Variants in CABLES1 observed in about 807,000 individuals in gnomAD.
The protein encoded by CABLES1 is Cdk5 and Abl enzyme substrate 1.
In CABLES1, 36 loss-of-function variants were observed where a neutral mutation model predicts 57.8. The observed-to-expected ratio is 0.62, with a 90% CI of 0.48 to 0.82. The LOEUF (loss-of-function observed/expected upper bound fraction) is 0.82. Among genes scored for constraint, CABLES1 ranks in the 40% least tolerant of loss-of-function variants. The probability of loss-of-function intolerance (pLI) is 0.00; values close to 1 mark genes in which losing one functional copy is unlikely to be tolerated. For synonymous variants in CABLES1, 374 were observed against 363.0 expected (o/e 1.03, Z -0.35); for missense variants, 767 against 836.6 (o/e 0.92, Z 1.03).
At chr18:23,225,742 C>T (rs969952425) in intron 4 of CABLES1, among the ~76,000 whole-genome samples, 8 of 152,370 alleles carry the variant, frequency 5.3e-5, no homozygotes, top group African/African-American at 9.6e-5. Context: ...ACATTAGTCA[C>T]GGCCTTCTCT....
chr18:23,143,006 T>A (rs2046867136), intron 1 of CABLES1, among the ~76,000 whole-genome samples: 2 of 152,204 alleles, frequency 1.3e-5, no homozygotes, highest in South Asian at 4.1e-4. Flanking sequence ...AAGTAACTTG[T>A]CTGGGGTCCT....
chr18:23,197,328 A>G (rs1395358842), intron 3 of CABLES1: 2 of 152,238 alleles, frequency 1.3e-5, no homozygotes, highest in African/African-American at 4.8e-5. Context: ...TGGACCACAA[A>G]TCCCAGCCGG....
At chr18:23,179,104 G>A (rs1371441848) in intron 1 of CABLES1, among the ~76,000 whole-genome samples, 3 of 151,996 alleles carry the variant, frequency 2.0e-5, no homozygotes, top group African/African-American at 4.8e-5. Context: ...TGGCCAACAC[G>A]GTGAAACCCT....
At chr18:23,206,850 T>G (rs1375198123) in intron 3 of CABLES1, among the ~76,000 whole-genome samples, 1 of 151,316 alleles carries the variant, frequency 6.6e-6, no homozygotes, top group Non-Finnish European at 1.5e-5. Context: ...GGTCTTGCTC[T>G]GTCACCCAGG....
intron 3 of CABLES1, among the ~76,000 whole-genome samples, chr18:23,202,475 G>T (rs2047332241): frequency 6.6e-6 from 1 of 152,196 alleles, no homozygotes; most frequent in Non-Finnish European, 1.5e-5. Flanking sequence ...GCTGCTTATT[G>T]TAAGAGGAGA....
intron 1 of CABLES1, among the ~76,000 whole-genome samples, chr18:23,164,214 A>G (rs2047024821): frequency 6.6e-6 from 1 of 152,378 alleles, no homozygotes; most frequent in African/African-American, 2.4e-5. Context: ...CAGAGACAGC[A>G]TCAGTGATTA....
intron 4 of CABLES1, among the ~76,000 whole-genome samples, chr18:23,227,331 T>TGG (rs2047535244): frequency 6.6e-6 from 1 of 152,224 alleles, no homozygotes. Flanking sequence ...ACACCAAGCA[T>TGG]ATTCCCACAC....
At chr18:23,201,385 G>A (rs1170904237) in intron 3 of CABLES1, among the ~76,000 whole-genome samples, 1 of 152,198 alleles carries the variant, frequency 6.6e-6, no homozygotes, top group African/African-American at 2.4e-5. Flanking sequence ...CAGCATGCAT[G>A]TCGTGTCATA....
chr18:23,150,207 GTTTTTTTTTT>G (rs10638130), intron 1 of CABLES1, among the ~76,000 whole-genome samples: 1 of 106,674 alleles, frequency 9.4e-6, no homozygotes, highest in African/African-American at 4.1e-5. Flanking sequence ...GTTGGTGTTT[GTTTTTTTTTT>G]TTTTTTTTTG....
intron 3 of CABLES1, among the ~76,000 whole-genome samples, chr18:23,199,268 A>G (rs943229269): frequency 6.6e-6 from 1 of 152,236 alleles, no homozygotes; most frequent in Non-Finnish European, 1.5e-5. Context: ...ACCGTGGGAA[A>G]GTTGGGTGGT....
intron 1 of CABLES1, among the ~76,000 whole-genome samples, chr18:23,178,828 T>G (rs957775199): frequency 4.6e-5 from 7 of 152,212 alleles, no homozygotes; most frequent in African/African-American, 1.7e-4. Flanking sequence ...AAGAGCCTTT[T>G]GTATTCTCTG....
At chr18:23,244,207 G>A (rs957363142) in intron 7 of CABLES1, among the ~76,000 whole-genome samples, 1 of 152,188 alleles carries the variant, frequency 6.6e-6, no homozygotes, top group Non-Finnish European at 1.5e-5. Flanking sequence ...AGTGGATGGA[G>A]ACACTACTCC....
chr18:23,229,829 T>C (rs896378838), intron 4 of CABLES1, among the ~76,000 whole-genome samples: 9 of 152,214 alleles, frequency 5.9e-5, no homozygotes, highest in African/African-American at 1.9e-4. Context: ...TTGCCTGCTT[T>C]TCACTCACAC....
intron 4 of CABLES1, among the ~76,000 whole-genome samples, chr18:23,229,116 T>C (rs1178893264): frequency 6.6e-6 from 1 of 152,154 alleles, no homozygotes; most frequent in Non-Finnish European, 1.5e-5. Flanking sequence ...AAGTGGAATA[T>C]AAGTAAATTA....
At chr18:23,195,324 T>C (rs1205059093) in intron 3 of CABLES1, among the ~76,000 whole-genome samples, 1 of 152,196 alleles carries the variant, frequency 6.6e-6, no homozygotes, top group Non-Finnish European at 1.5e-5. Context: ...ATGGGTGAGT[T>C]AGAGACGCCA....
intron 1 of CABLES1, among the ~76,000 whole-genome samples, chr18:23,174,873 T>G (rs2047112210): frequency 7.1e-6 from 1 of 141,006 alleles, no homozygotes; most frequent in Non-Finnish European, 1.5e-5. Context: ...TTTTTTAAAC[T>G]GCAGTAAAAT....
At chr18:23,160,835 A>G (rs997214545) in intron 1 of CABLES1, among the ~76,000 whole-genome samples, 2 of 152,064 alleles carry the variant, frequency 1.3e-5, no homozygotes, top group Admixed American at 1.3e-4. Context: ...GGAGTTTGAG[A>G]CCACCCTGGA....
chr18:23,169,385 G>C (rs575410223), intron 1 of CABLES1, among the ~76,000 whole-genome samples: 1 of 152,144 alleles, frequency 6.6e-6, no homozygotes, highest in Non-Finnish European at 1.5e-5. Flanking sequence ...CCCTCTGTTG[G>C]GGTCTGGATC....
intron 1 of CABLES1, among the ~76,000 whole-genome samples, chr18:23,157,493 A>G (rs1412330649): frequency 6.6e-6 from 1 of 152,198 alleles, no homozygotes; most frequent in Non-Finnish European, 1.5e-5. Flanking sequence ...CAGGAAGCCA[A>G]GAATCAGAGA....
Sources: gnomAD v4.1 joint callset for allele counts (sites outside exome capture counted in the v4.1 genomes callset) on GRCh38, gnomAD v4.1.1 for gene constraint, MANE v1.5 for transcripts, NCBI Gene and HGNC (gene_info 2026-07-23, HGNC 2026-07-21) for gene names.